The following PLB1 variants were observed in gnomAD, a reference collection of about 807,000 sequenced individuals.
PLB1 encodes phospholipase B1, membrane-associated.
PLB1 carries 242 observed loss-of-function variants against 227.4 expected under a neutral mutation model. The observed-to-expected ratio is 1.06, with a 90% CI of 0.96 to 1.18. The LOEUF is 1.18. PLB1 is among the 50% of genes most tolerant of loss of function. The pLI is 0.00. For synonymous variants in PLB1, 757 were observed against 682.2 expected (o/e 1.11, Z -1.71); for missense variants, 1,858 against 1,816.3 (o/e 1.02, Z -0.42).
At chr2:28,598,082 TG>T (rs1175099460) in intron 34 of PLB1, 34 bp downstream of exon 34, 5 of 1,587,604 alleles carry the variant, frequency 3.1e-6, no homozygotes, top group Non-Finnish European at 4.3e-6. Context: ...ATCTGTCTAC[TG>T]TTCCACCCAT....
At chr2:28,551,963 T>C (rs1348361911) in intron 16 of PLB1, among the ~76,000 whole-genome samples, 1 of 152,158 alleles carries the variant, frequency 6.6e-6, no homozygotes, top group East Asian at 1.9e-4. Flanking sequence ...TAACTATTTG[T>C]TGAATGAAAA....
intron 14 of PLB1, among the ~76,000 whole-genome samples, chr2:28,546,483 C>G (rs549019469): frequency 1.3e-5 from 2 of 152,122 alleles, no homozygotes; most frequent in African/African-American, 4.8e-5. Context: ...GGCAGGAAGC[C>G]GTGCTGGGGA....
At chr2:28,529,615 A>G (rs1670740794) in intron 7 of PLB1, 113 bp from the exon 8 acceptor site, 1 of 1,159,100 alleles carries the variant, frequency 8.6e-7, no homozygotes, top group Non-Finnish European at 1.3e-6. Flanking sequence ...TTCAGAAGCC[A>G]GGGGTGGATA....
chr2:28,623,720 C>T (rs1371606988), intron 49 of PLB1, among the ~76,000 whole-genome samples: 1 of 152,168 alleles, frequency 6.6e-6, no homozygotes, highest in Non-Finnish European at 1.5e-5. Flanking sequence ...GGCTATATCC[C>T]CTTTGCTGAC....
intron 8 of PLB1, 54 bp downstream of exon 8, chr2:28,529,833 C>A: frequency 6.4e-7 from 1 of 1,557,648 alleles, no homozygotes; most frequent in Non-Finnish European, 8.9e-7. Context: ...TGCTGCAAGG[C>A]GGGCAGACCG....
chr2:28,508,288 A>C lies in PLB1; in HGVS notation c.56-8520A>C, dbSNP rs193189013. On this transcript the variant is annotated intron_variant, in intron 1 of 57. Transcript: ENST00000327757. ...ATGATCTTGAAGGCCTGCTCACCTC[A>C]TCTCCTCTAGAATTCTGAGACATAC... Among the ~76,000 whole-genome samples the C allele has an allele frequency of 7.9e-5, 12 of 152,228 alleles. No individual in the cohort carries two copies. In the East Asian group the frequency reaches 2.3e-3, roughly 29 times the overall value.
At chr2:28,573,418 G>T (rs1426540748) in intron 21 of PLB1, 113 bp downstream of exon 21, 5 of 789,672 alleles carry the variant, frequency 6.3e-6, no homozygotes, top group African/African-American at 5.1e-5. Flanking sequence ...CAGAGGAAAG[G>T]GTTTCGGGGC....
In PLB1 at chr2:28,609,966, T is replaced by A. The variant is rs1272678200; in HGVS notation, c.3129+3399T>A. 4.6e-5 allele frequency among the ~76,000 whole-genome samples: 7 copies of A among 152,308 alleles called. 1 individual carries two copies. The South Asian group carries it at 6.2e-4, about 14-fold the overall frequency. ...ACCATGAAACAATAGACTTATGTAA[T>A]CTTAGGTTCTCAGTGGGGAGGGCCT... On this transcript the variant is annotated intron_variant, in intron 43 of 57. Transcript: ENST00000327757.
At chr2:28,501,464 T>C (rs77857323) in intron 1 of PLB1, among the ~76,000 whole-genome samples, 2,445 of 152,330 alleles carry the variant, frequency 0.016, 68 homozygotes, top group African/African-American at 0.057. Flanking sequence ...CCTAGTGGCA[T>C]ACAGTTAAGT....
Position 28,643,124 on chromosome 2 carries a change from A to C in PLB1, c.*63A>C. On this transcript the variant is annotated 3_prime_UTR_variant, in exon 58 of 58. Transcript: ENST00000327757. ...CACTCTCTTCACCGCCCTCTGCCCCAGCCACTCCCGGCCACCAGGACATGC... is the reference window on the plus strand; with the variant it reads ...CACTCTCTTCACCGCCCTCTGCCCCCGCCACTCCCGGCCACCAGGACATGC... 1 of 1,432,528 alleles carries C rather than the reference A, an allele frequency of 7.0e-7. No individual in the cohort carries two copies. The allele number at this position is 1,432,528 out of a possible 1,614,324, so 88.7% of individuals were successfully genotyped here.
At chr2:28,603,316 TAGG>T (rs1008713109) in intron 39 of PLB1, among the ~76,000 whole-genome samples, 41 of 152,172 alleles carry the variant, frequency 2.7e-4, no homozygotes, top group African/African-American at 9.2e-4. Flanking sequence ...AGAAGAGAAT[TAGG>T]AGGGACACAG....
At chr2:28,627,649 C>A (rs1174119549) in intron 51 of PLB1, among the ~76,000 whole-genome samples, 1 of 152,214 alleles carries the variant, frequency 6.6e-6, no homozygotes, top group African/African-American at 2.4e-5. Flanking sequence ...CTTCTGGTGG[C>A]TGTGGCCAGA....
In PLB1 at chr2:28,535,392, C is replaced by G. The variant is rs550704265; in HGVS notation, c.556-2927C>G. 4.6e-5 allele frequency among the ~76,000 whole-genome samples: 7 copies of G among 152,354 alleles called. No homozygotes were observed. The South Asian group carries it at 1.2e-3, about 27-fold the overall frequency. ...CCTCCACTTCCACTTACCCCAGAGG[C>G]CCTGTGGCTCCTAGGCCTGGCTCCT... On this transcript the variant is annotated intron_variant, in intron 9 of 57. Transcript: ENST00000327757.
Position 28,568,437 on chromosome 2 carries a change from G to A in PLB1, c.1324+1598G>A, listed in dbSNP as rs147501963. Among the ~76,000 whole-genome samples, 11 of 152,312 alleles carry A rather than the reference G, an allele frequency of 7.2e-5. No individual in the cohort carries two copies. The East Asian group carries it at 1.7e-3, about 24-fold the overall frequency. On this transcript the variant is annotated intron_variant, in intron 20 of 57. Coordinates refer to ENST00000327757, the MANE Select transcript of PLB1 (RefSeq NM_153021.5). ...CACTTAGCCCAGAAATGGATTATCC[G>A]CTATTTAGACTCTTCTTGCTAGAGA...
intron 12 of PLB1, among the ~76,000 whole-genome samples, chr2:28,541,319 T>C: frequency 6.6e-6 from 1 of 152,230 alleles, no homozygotes; most frequent in East Asian, 1.9e-4. Context: ...AAATTGCATT[T>C]GAAGTTGCAT....
At chr2:28,538,523 C>T (rs1422090836) in intron 10 of PLB1, 142 bp downstream of exon 10, 5 of 702,366 alleles carry the variant, frequency 7.1e-6, no homozygotes, top group Non-Finnish European at 9.4e-6. Flanking sequence ...ACCCCATCTT[C>T]TCATCCTTTC....
chr2:28,640,645 G>T (rs1253379793), intron 56 of PLB1, among the ~76,000 whole-genome samples: 2 of 152,222 alleles, frequency 1.3e-5, no homozygotes, highest in African/African-American at 4.8e-5. Context: ...ACTCAGGACT[G>T]GTGGTCTCTC....
Position 28,602,826 on chromosome 2 carries a change from C to T in PLB1, c.2679C>T (p.Pro893=). The stretch of plus-strand genomic sequence containing the variant: ...ATCTGCAGCTTTTCCCTTAGGTGCC[C>T]AGAGTCCTGGTCAACCTCGTGGACT... The part of the protein sequence containing the change: ...NALDVLHREV[P]RVLVNLVDFL... The change falls in exon 39 of 58, where the codon CCC becomes CCT. Residue 893 remains proline (P), a synonymous_variant. Coordinates refer to ENST00000327757, the MANE Select transcript of PLB1 (RefSeq NM_153021.5). The T allele has an allele frequency of 1.2e-6, 2 of 1,614,002 alleles. No homozygotes were observed. The highest frequency in any genetic ancestry group is 8.5e-7 in the Non-Finnish European group (1 of 1,179,906).
chr2:28,559,525 C>CA (rs1185389380), intron 17 of PLB1, among the ~76,000 whole-genome samples: 1 of 152,116 alleles, frequency 6.6e-6, no homozygotes, highest in Non-Finnish European at 1.5e-5. Context: ...TTGCAGACAG[C>CA]ATGAAAGAAG....
Sources: gnomAD v4.1 joint callset for allele counts (sites outside exome capture counted in the v4.1 genomes callset) on GRCh38, gnomAD v4.1.1 for gene constraint, MANE v1.5 for transcripts, NCBI Gene and HGNC (gene_info 2026-07-23, HGNC 2026-07-21) for gene names.